Variants in RSPO2 observed in about 807,000 individuals in gnomAD.
RSPO2 encodes the protein R-spondin-2.
In RSPO2, 14 loss-of-function variants were observed where a neutral mutation model predicts 30.9. That is an observed-to-expected ratio of 0.45 (90% confidence interval 0.30 to 0.71). RSPO2 has a LOEUF of 0.71. RSPO2 is among the 30% of genes least tolerant of loss of function. The probability of loss-of-function intolerance (pLI) is 0.08; values close to 1 mark genes in which losing one functional copy is unlikely to be tolerated. For missense variants in RSPO2, 264 were observed against 301.9 expected, an observed-to-expected ratio of 0.87 and a Z score of 0.93; for synonymous variants, 107 against 96.4, an observed-to-expected ratio of 1.11 and a Z score of -0.64.
chr8:108,047,806 A>G (rs752010469), intron 2 of RSPO2, among the ~76,000 whole-genome samples: 16 of 151,660 alleles, frequency 1.1e-4, no homozygotes, highest in South Asian at 6.3e-4. Context: ...AACCAAGATC[A>G]TGCCACTGCA....
chr8:107,996,780 C>T (rs1222505105), intron 2 of RSPO2: 3 of 308,712 alleles, frequency 9.7e-6, no homozygotes, highest in African/African-American at 6.7e-5. Flanking sequence ...CAACTTTCAT[C>T]TTGACCACAA....
At chr8:108,029,658 C>T (rs951541223) in intron 2 of RSPO2, among the ~76,000 whole-genome samples, 2 of 152,120 alleles carry the variant, frequency 1.3e-5, no homozygotes, top group Admixed American at 6.5e-5. Flanking sequence ...CCAAGAAGAA[C>T]AATGATGACT....
chr8:107,989,138 C>T lies in RSPO2; in HGVS notation c.201G>A (p.Gly67=), dbSNP rs2130525022. ...QKLFFFLRRE[G]MRQYGECLHS... Reference sequence around the variant, plus strand: ...GCAGGCACTCTCCATACTGGCGCATCCCTTCTCTTCGAAGGAAGAAGAACA... The same window carrying T: ...GCAGGCACTCTCCATACTGGCGCATTCCTTCTCTTCGAAGGAAGAAGAACA... Residue 67 remains glycine (G), a synonymous_variant, in exon 3 of 6, where the codon GGG becomes GGA. Coordinates refer to ENST00000276659, the MANE Select transcript of RSPO2 (RefSeq NM_178565.5). The T allele has an allele frequency of 6.2e-7, 1 of 1,612,314 alleles. No homozygotes were observed. Among genetic ancestry groups the T allele is most frequent in the East Asian group, 2.2e-5 (1 of 44,830 alleles).
At chr8:108,058,369 A>C (rs1381723288) in intron 2 of RSPO2, among the ~76,000 whole-genome samples, 4 of 152,222 alleles carry the variant, frequency 2.6e-5, no homozygotes, top group African/African-American at 4.8e-5. Flanking sequence ...AAATGGAAGA[A>C]CATTCCATAC....
chr8:107,983,106 C>A lies in RSPO2; in HGVS notation c.283+5950G>T, dbSNP rs1194883069. ...CTCCCCTTCCTAAGGCCGCCGCTTA[C>A]CCCAGGGTCTATGGAAGTAATGAAG... On this transcript the variant is annotated intron_variant, in intron 3 of 5. Transcript: ENST00000276659. 4.9e-6 allele frequency: 7 copies of A among 1,414,984 alleles called. No homozygotes were observed. In the South Asian group the frequency reaches 9.5e-5, roughly 19 times the overall value. The allele number at this position is 1,414,984 out of a possible 1,614,324, so 87.7% of individuals were successfully genotyped here.
At chr8:107,938,468 T>A (rs956038268) in intron 5 of RSPO2, among the ~76,000 whole-genome samples, 7 of 152,112 alleles carry the variant, frequency 4.6e-5, no homozygotes, top group African/African-American at 1.7e-4. Context: ...AGCTGTAATA[T>A]CCCACCCACT....
chr8:107,939,490 T>G (rs1034804558), intron 5 of RSPO2, among the ~76,000 whole-genome samples: 7 of 151,632 alleles, frequency 4.6e-5, no homozygotes, highest in African/African-American at 1.7e-4. Context: ...TTTTTTTTTT[T>G]TTTTTTTTTA....
intron 5 of RSPO2, among the ~76,000 whole-genome samples, chr8:107,928,657 C>A (rs1222846112): frequency 6.6e-6 from 1 of 152,174 alleles, no homozygotes; most frequent in Non-Finnish European, 1.5e-5. Flanking sequence ...TTAGAACATG[C>A]TCTTTGGAGA....
At chr8:108,025,418 T>G (rs144770395) in intron 2 of RSPO2, among the ~76,000 whole-genome samples, 81 of 152,322 alleles carry the variant, frequency 5.3e-4, no homozygotes, top group African/African-American at 1.8e-3. Context: ...CCTGGGACAA[T>G]GTGTGCAACA....
At chr8:108,003,307 ATATATTTTTTTTTTTT>A (rs1482726135) in intron 2 of RSPO2, among the ~76,000 whole-genome samples, 736 of 21,580 alleles carry the variant, frequency 0.034, 4 homozygotes, top group South Asian at 0.12. Flanking sequence ...ATATATATAT[ATATATTTTTTTTTTTT>A]TTTTTTTTTT....
chr8:108,065,268 T>C (rs2130713343), intron 2 of RSPO2, among the ~76,000 whole-genome samples: 1 of 147,294 alleles, frequency 6.8e-6, no homozygotes, highest in East Asian at 2.0e-4. Flanking sequence ...CTGTACATTC[T>C]GCACATGTAT....
intron 3 of RSPO2, among the ~76,000 whole-genome samples, chr8:107,964,693 G>A (rs1813740167): frequency 6.6e-6 from 1 of 152,080 alleles, no homozygotes. Flanking sequence ...TAACTCTTCT[G>A]CTTTGCAGGG....
At chr8:107,982,009 CAA>C (rs372977834) in intron 3 of RSPO2, among the ~76,000 whole-genome samples, 933 of 55,396 alleles carry the variant, frequency 0.017, 2 homozygotes, top group Middle Eastern at 0.03. Context: ...ACAACAACAA[CAA>C]AAAAAAAAAA....
chr8:107,902,700 C>A (rs768008358), intron 5 of RSPO2, among the ~76,000 whole-genome samples: 4 of 152,108 alleles, frequency 2.6e-5, no homozygotes, highest in Non-Finnish European at 5.9e-5. Context: ...AAGACCCTAG[C>A]ACAGTGACTG....
intron 2 of RSPO2, among the ~76,000 whole-genome samples, chr8:108,002,856 AT>A (rs1348024225): frequency 5.3e-5 from 8 of 152,080 alleles, no homozygotes; most frequent in African/African-American, 7.2e-5. Context: ...AACAAAGATA[AT>A]TTTTTTAATT....
rs1813258503 is a variant in RSPO2 at position 108,082,933 on chromosome 8, C to T, written c.-169-126G>A. On this transcript the variant is annotated intron_variant, in intron 1 of 5. Transcript: ENST00000276659. ...GAGGAAGCGAACCCACTGCCTAGCACGAGCCGCGGAGCGGCTTAATCCAGA... is the reference window on the plus strand; with the variant it reads ...GAGGAAGCGAACCCACTGCCTAGCATGAGCCGCGGAGCGGCTTAATCCAGA... The T allele has an allele frequency of 1.6e-5, 6 of 379,146 alleles. No individual in the cohort carries two copies. The South Asian group carries it at 1.7e-4, about 11-fold the overall frequency. The allele number at this position is 379,146 out of a possible 1,614,324, so 23.5% of individuals were successfully genotyped here. A position where few individuals can be genotyped will look rare whatever the true frequency, so the allele number is the denominator to read the frequency against.
chr8:107,971,954 T>C (rs1814014467), intron 3 of RSPO2, among the ~76,000 whole-genome samples: 2 of 152,172 alleles, frequency 1.3e-5, no homozygotes, highest in South Asian at 4.1e-4. Context: ...CAGATACCTA[T>C]GATAGTTCTT....
At chr8:108,063,779 T>C (rs886360019) in intron 2 of RSPO2, among the ~76,000 whole-genome samples, 31 of 152,182 alleles carry the variant, frequency 2.0e-4, no homozygotes, top group Admixed American at 3.9e-4. Flanking sequence ...CTTCAAACTA[T>C]ACTACAAGGC....
At chr8:107,980,222 T>C (rs994026618) in intron 3 of RSPO2, among the ~76,000 whole-genome samples, 2 of 152,114 alleles carry the variant, frequency 1.3e-5, no homozygotes, top group African/African-American at 4.8e-5. Context: ...TTCAATTCCA[T>C]TCCATTTTTT....
Sources: gnomAD v4.1 joint callset for allele counts (sites outside exome capture counted in the v4.1 genomes callset) on GRCh38, gnomAD v4.1.1 for gene constraint, MANE v1.5 for transcripts, NCBI Gene and HGNC (gene_info 2026-07-23, HGNC 2026-07-21) for gene names.